The following UBP1 variants were observed in gnomAD, a reference collection of about 807,000 sequenced individuals.
The protein encoded by UBP1 is upstream-binding protein 1.
In UBP1, 22 loss-of-function variants were observed where a neutral mutation model predicts 76.1. The ratio of observed to expected loss-of-function variants is 0.29; its 90% CI spans 0.21 to 0.41. The LOEUF (loss-of-function observed/expected upper bound fraction) is 0.41, where lower values mean the gene tolerates loss of function less well. UBP1 is among the 10% of genes least tolerant of loss of function. UBP1 has a pLI of 1.00. For synonymous variants in UBP1, 224 were observed against 237.1 expected (o/e 0.94, Z 0.51); for missense variants, 436 against 668.1 (o/e 0.65, Z 3.83).
chr3:33,402,583 T>C (rs919347975), intron 9 of UBP1, among the ~76,000 whole-genome samples: 1 of 152,156 alleles, frequency 6.6e-6, no homozygotes, highest in African/African-American at 2.4e-5. Context: ...ATTACCATAG[T>C]TGTGACTATG....
At position 33,440,046 on chromosome 3, in the gene UBP1, G is replaced by C; in HGVS notation, c.-198C>G. On this transcript the variant is annotated 5_prime_UTR_variant, in exon 1 of 16. Transcript: ENST00000283629. The stretch of plus-strand genomic sequence containing the variant: ...GACGAGCCCAGCGAGCAATTGCAGC[G>C]GGAGCGGCCGGGCCGCCGGCAGCGC... 1 of 498,010 alleles carries C rather than the reference G, an allele frequency of 2.0e-6. No individual in the cohort carries two copies. The highest frequency in any genetic ancestry group is 3.4e-6 in the Non-Finnish European group (1 of 293,238). 30.8% of individuals were successfully genotyped at this position (498,010 alleles called of 1,614,324 possible).
In UBP1 at chr3:33,416,331, C is replaced by T. The variant is rs188882228; in HGVS notation, c.342+427G>A. 2.7e-3 allele frequency among the ~76,000 whole-genome samples: 407 copies of T among 152,252 alleles called. 1 individual carries two copies. Among genetic ancestry groups the T allele is most frequent in the Non-Finnish European group, 2.7e-3 (186 of 67,990 alleles). ...ACAGGTTAGCTGGAAAACAGCTATGCCTCCTATACCTAGGATGACTGACTT... is the reference window on the plus strand; with the variant it reads ...ACAGGTTAGCTGGAAAACAGCTATGTCTCCTATACCTAGGATGACTGACTT... On this transcript the variant is annotated intron_variant, in intron 3 of 15. Coordinates refer to ENST00000283629, the MANE Select transcript of UBP1 (RefSeq NM_014517.5).
chr3:33,394,831 T>C (rs544769243), intron 13 of UBP1, among the ~76,000 whole-genome samples: 1 of 150,642 alleles, frequency 6.6e-6, no homozygotes, highest in Non-Finnish European at 1.5e-5. Context: ...TTTTTTTTTT[T>C]TTTTTTAAAT....
At chr3:33,418,550 C>T (rs533997165) in intron 2 of UBP1, among the ~76,000 whole-genome samples, 1 of 152,052 alleles carries the variant, frequency 6.6e-6, no homozygotes, top group South Asian at 2.1e-4. Context: ...TGAGCCACCG[C>T]ACCCGGCCAT....
At chr3:33,411,484 T>G in intron 5 of UBP1, 97 bp downstream of exon 5, 1 of 1,025,960 alleles carries the variant, frequency 9.7e-7, no homozygotes. Flanking sequence ...AGTTTATAAA[T>G]AGACATTTAA....
At chr3:33,421,424 C>T (rs1040028776) in intron 2 of UBP1, among the ~76,000 whole-genome samples, 20 of 152,312 alleles carry the variant, frequency 1.3e-4, no homozygotes, top group African/African-American at 4.8e-4. Flanking sequence ...AGGCGTGCGC[C>T]ACCATGCTCA....
chr3:33,437,700 G>A (rs531301270), intron 1 of UBP1, among the ~76,000 whole-genome samples: 1 of 152,182 alleles, frequency 6.6e-6, no homozygotes, highest in Non-Finnish European at 1.5e-5. Flanking sequence ...CAGAGGAAGT[G>A]ACTGAATGCT....
intron 1 of UBP1, among the ~76,000 whole-genome samples, chr3:33,427,387 G>A (rs543736179): frequency 3.3e-5 from 5 of 152,312 alleles, no homozygotes; most frequent in South Asian, 4.1e-4. Flanking sequence ...TGAGCTGTAC[G>A]TTTGTATCTT....
In UBP1 at chr3:33,420,488, C is replaced by CTTTT. The variant is rs749437546; in HGVS notation, c.266-3658_266-3655dup. On this transcript the variant is annotated intron_variant, in intron 2 of 15. Coordinates refer to ENST00000283629, the MANE Select transcript of UBP1 (RefSeq NM_014517.5). ...TGACAGGTGTGTGCCACCATACTGG[C>CTTTT]TTTTTTTTTTTTTTTTTTGGAGACA... Among the ~76,000 whole-genome samples, 108 of 120,608 alleles carry CTTTT rather than the reference C, an allele frequency of 9.0e-4. 5 individuals carry two copies. The East Asian group carries it at 0.015, about 17-fold the overall frequency. 79.1% of individuals were successfully genotyped at this position (120,608 alleles called of 152,430 possible). A position where few individuals can be genotyped will look rare whatever the true frequency, so the allele number is the denominator to read the frequency against.
chr3:33,423,045 G>GTTT (rs11337499), intron 2 of UBP1, among the ~76,000 whole-genome samples: 5 of 144,736 alleles, frequency 3.5e-5, no homozygotes, highest in Non-Finnish European at 4.6e-5. Flanking sequence ...AAAAAAGTTT[G>GTTT]TTTTTTTTTT....
At position 33,412,612 on chromosome 3, in the gene UBP1, A is replaced by C. The variant is rs879177251; in HGVS notation, c.448+110T>G. On this transcript the variant is annotated intron_variant, in intron 4 of 15. Coordinates refer to ENST00000283629, the MANE Select transcript of UBP1 (RefSeq NM_014517.5). ...AAAAAAAAAAAGACACAAAATCCAC[A>C]AACACCAAAACTTTCCCCACACAAG... The C allele has an allele frequency of 1.0e-4, 79 of 757,504 alleles. 2 individuals are homozygous for C. In the South Asian group the frequency reaches 1.3e-3, roughly 13 times the overall value. The allele number at this position is 757,504 out of a possible 1,614,324, so 46.9% of individuals were successfully genotyped here.
intron 8 of UBP1, chr3:33,403,124 C>T: frequency 2.1e-6 from 1 of 474,092 alleles, no homozygotes; most frequent in Non-Finnish European, 3.8e-6. Flanking sequence ...TAGAGAAGAC[C>T]TAAAGTGATG....
At chr3:33,396,137 G>C in intron 13 of UBP1, 25 bp downstream of exon 13, 1 of 1,525,802 alleles carries the variant, frequency 6.6e-7, no homozygotes, top group South Asian at 1.2e-5. Context: ...AGAAGTGACA[G>C]AATTGAGATG....
In UBP1 at chr3:33,409,248, T is replaced by C; in HGVS notation, c.807A>G (p.Thr269=). The C allele has an allele frequency of 6.2e-7, 1 of 1,614,024 alleles. No homozygotes were observed. The change falls in exon 7 of 16, where the codon ACA becomes ACG. Residue 269 remains threonine (T), a synonymous_variant. Transcript: ENST00000283629. The part of the protein sequence containing the change: ...KEKYQPSYDT[T]ILTEMRLEPI... ...TTTACTACATTACCTCTGTGAGGAT[T>C]GTGGTATCATAGGACGGCTGATACT...
intron 1 of UBP1, among the ~76,000 whole-genome samples, chr3:33,434,919 T>G (rs1486181178): frequency 1.3e-5 from 2 of 152,136 alleles, no homozygotes; most frequent in Non-Finnish European, 2.9e-5. Context: ...TCTCTTGACC[T>G]CGTGATCCGC....
chr3:33,392,848 C>T (rs187911468), intron 14 of UBP1: 3 of 434,092 alleles, frequency 6.9e-6, no homozygotes, highest in African/African-American at 2.0e-5. Context: ...ATGTGACCCA[C>T]AGGGGCACAT....
At position 33,393,336 on chromosome 3, in the gene UBP1, A is replaced by G; in HGVS notation, c.1509T>C (p.Gly503=). The G allele has an allele frequency of 6.2e-7, 1 of 1,608,034 alleles. No homozygotes were observed. The highest frequency in any genetic ancestry group is 8.5e-7 in the Non-Finnish European group (1 of 1,177,904). ...CCTGATCACTAACAAGAATGTGAAT[A>G]CCGGTGGGACCCTGTCTGTAAACCT... ...INQVYRQGPT[G]IHILVSDQMV... The change falls in exon 14 of 16, where the codon GGT becomes GGC. Residue 503 remains glycine (G), a synonymous_variant. Transcript: ENST00000283629.
intron 8 of UBP1, among the ~76,000 whole-genome samples, chr3:33,405,762 A>G (rs1031235482): frequency 6.6e-6 from 1 of 152,080 alleles, no homozygotes; most frequent in Non-Finnish European, 1.5e-5. Flanking sequence ...CACTGTCTCT[A>G]AAAAAATTTA....
Position 33,396,108 on chromosome 3 carries a change from G to A in UBP1, c.1390+54C>T, listed in dbSNP as rs200822201. 501 of 1,452,598 alleles carry A rather than the reference G, an allele frequency of 3.4e-4. 1 individual carries two copies. Among genetic ancestry groups the A allele is most frequent in the Admixed American group, 1.4e-3 (79 of 56,342 alleles). The allele number at this position is 1,452,598 out of a possible 1,614,324, so 90.0% of individuals were successfully genotyped here. On this transcript the variant is annotated intron_variant, in intron 13 of 15. Transcript: ENST00000283629. Reference sequence around the variant, plus strand: ...AAGCCTGCTCAATCGAGTCCTTTCCGTTTCTGTCTGACAGTCTCAGAAGTG... The same window carrying A: ...AAGCCTGCTCAATCGAGTCCTTTCCATTTCTGTCTGACAGTCTCAGAAGTG...
Sources: gnomAD v4.1 joint callset for allele counts (sites outside exome capture counted in the v4.1 genomes callset) on GRCh38, gnomAD v4.1.1 for gene constraint, MANE v1.5 for transcripts, NCBI Gene and HGNC (gene_info 2026-07-23, HGNC 2026-07-21) for gene names.